The following DAB1 variants were observed in gnomAD, a reference collection of about 807,000 sequenced individuals.
DAB1 encodes the protein disabled homolog 1.
In DAB1, 15 loss-of-function variants were observed where a neutral mutation model predicts 64.6. The observed-to-expected ratio is 0.23, with a 90% CI of 0.16 to 0.36. The LOEUF (loss-of-function observed/expected upper bound fraction) is 0.36. DAB1 is among the 10% of genes least tolerant of loss of function. The pLI is 1.00. For synonymous variants in DAB1, 235 were observed against 251.9 expected, an observed-to-expected ratio of 0.93 and a Z score of 0.64; for missense variants, 596 against 706.7, an observed-to-expected ratio of 0.84 and a Z score of 1.78.
At chr1:57,168,701 T>A (rs1003839696) in intron 2 of DAB1, among the ~76,000 whole-genome samples, 1 of 152,184 alleles carries the variant, frequency 6.6e-6, no homozygotes, top group Admixed American at 6.5e-5. Context: ...AATCTATCAA[T>A]TCTCAGGCTT....
At chr1:57,783,097 C>CT (rs1305657616) in intron 6 of DAB1, among the ~76,000 whole-genome samples, 256 of 104,656 alleles carry the variant, frequency 2.4e-3, no homozygotes, top group African/African-American at 6.8e-3. Context: ...CTCTCTCTCT[C>CT]TCTCTTTTCT....
chr1:57,119,611 C>A (rs1255469155), intron 4 of DAB1, among the ~76,000 whole-genome samples: 1 of 152,102 alleles, frequency 6.6e-6, no homozygotes, highest in Non-Finnish European at 1.5e-5. Flanking sequence ...GAATGGGAAC[C>A]TCTCAGAAGT....
At chr1:58,208,525 T>A (rs997819299) in intron 4 of DAB1, among the ~76,000 whole-genome samples, 1 of 152,204 alleles carries the variant, frequency 6.6e-6, no homozygotes, top group Non-Finnish European at 1.5e-5. Flanking sequence ...CTCCCACTTA[T>A]AAGTGAGAAC....
At position 58,314,204 on chromosome 1, in the gene DAB1, C is replaced by A. The variant is rs1013772703; in HGVS notation, n.309+29148G>T. ...GGTCTGTTCTAACCTATCCCAGAAA[C>A]CTTTGTCTCATGCCCATACAACAGG... On this transcript the variant is annotated intron_variant and non_coding_transcript_variant, in intron 4 of 20. Transcript: ENST00000485760. Among the ~76,000 whole-genome samples the A allele has an allele frequency of 2.6e-5, 4 of 152,028 alleles. No homozygotes were observed. In the South Asian group the frequency reaches 6.2e-4, roughly 24 times the overall value.
intron 10 of DAB1, among the ~76,000 whole-genome samples, chr1:57,023,915 G>A (rs1219481584): frequency 6.6e-6 from 1 of 152,056 alleles, no homozygotes; most frequent in African/African-American, 2.4e-5. Flanking sequence ...TAGGTGCTTG[G>A]CAAATAATGG....
At chr1:57,201,138 C>T (rs1354273911) in intron 2 of DAB1, among the ~76,000 whole-genome samples, 2 of 152,202 alleles carry the variant, frequency 1.3e-5, no homozygotes, top group African/African-American at 4.8e-5. Flanking sequence ...ATTGCTGCTT[C>T]TGCAAAGCCA....
intron 4 of DAB1, among the ~76,000 whole-genome samples, chr1:58,196,899 A>C (rs1284697931): frequency 6.6e-6 from 1 of 152,174 alleles, no homozygotes; most frequent in Admixed American, 6.5e-5. Context: ...GGCAAAGAAC[A>C]TTCCTTTTCC....
At chr1:57,954,079 A>G (rs1645335355) in intron 5 of DAB1, among the ~76,000 whole-genome samples, 1 of 152,058 alleles carries the variant, frequency 6.6e-6, no homozygotes, top group African/African-American at 2.4e-5. Context: ...CTAATTCACT[A>G]TCAATCCTCT....
chr1:58,358,095 A>C (rs1263239070), intron 3 of DAB1, among the ~76,000 whole-genome samples: 1 of 152,208 alleles, frequency 6.6e-6, no homozygotes, highest in Non-Finnish European at 1.5e-5. Flanking sequence ...AGAAATATCC[A>C]GATTAGAAAT....
At chr1:57,944,996 G>A (rs917549568) in intron 5 of DAB1, among the ~76,000 whole-genome samples, 1 of 152,138 alleles carries the variant, frequency 6.6e-6, no homozygotes, top group Non-Finnish European at 1.5e-5. Flanking sequence ...AGTTGAAAAG[G>A]TCTTATAGGT....
intron 5 of DAB1, chr1:58,048,101 C>T (rs1241371119): frequency 1.2e-6 from 1 of 847,844 alleles, no homozygotes. Flanking sequence ...TGGCTGAGTT[C>T]ACAAATCTGT....
intron 1 of DAB1, among the ~76,000 whole-genome samples, chr1:57,851,043 T>A (rs370838161): frequency 6.6e-4 from 101 of 152,314 alleles, no homozygotes; most frequent in African/African-American, 2.1e-3. Flanking sequence ...TAATTTCAGG[T>A]TGCCATCAAT....
chr1:57,372,728 T>G (rs1277959881), intron 1 of DAB1, among the ~76,000 whole-genome samples: 10 of 152,140 alleles, frequency 6.6e-5, no homozygotes, highest in Non-Finnish European at 1.2e-4. Context: ...ATACACAATA[T>G]GTACAGTAGA....
intron 5 of DAB1, among the ~76,000 whole-genome samples, chr1:57,902,301 T>C (rs78086475): frequency 6.6e-6 from 1 of 152,142 alleles, no homozygotes; most frequent in Admixed American, 6.6e-5. Flanking sequence ...ATACCTTTTC[T>C]ATATATTTTT....
intron 7 of DAB1, among the ~76,000 whole-genome samples, chr1:57,437,746 T>A (rs1419388587): frequency 6.6e-6 from 1 of 152,196 alleles, no homozygotes; most frequent in Non-Finnish European, 1.5e-5. Flanking sequence ...ACAAGGGAAT[T>A]TGTGAAGGAT....
At chr1:57,124,919 A>T (rs1278429568) in intron 4 of DAB1, among the ~76,000 whole-genome samples, 1 of 152,102 alleles carries the variant, frequency 6.6e-6, no homozygotes, top group Non-Finnish European at 1.5e-5. Flanking sequence ...CAGTGCTCAG[A>T]ATGCCTGTCC....
intron 4 of DAB1, among the ~76,000 whole-genome samples, chr1:58,256,776 A>C (rs1660941402): frequency 6.6e-6 from 1 of 152,186 alleles, no homozygotes; most frequent in African/African-American, 2.4e-5. Context: ...CTTGGAAAAC[A>C]TTTGACAAAT....
intron 1 of DAB1, among the ~76,000 whole-genome samples, chr1:57,356,971 C>T (rs755134198): frequency 6.6e-6 from 1 of 151,946 alleles, no homozygotes; most frequent in African/African-American, 2.4e-5. Context: ...TCCCTTTGTG[C>T]TTCAACTATA....
intron 7 of DAB1, among the ~76,000 whole-genome samples, chr1:57,509,953 C>T (rs773265116): frequency 4.6e-5 from 7 of 152,114 alleles, no homozygotes; most frequent in African/African-American, 7.2e-5. Context: ...TAATAATTTG[C>T]TCTTATTATT....
Sources: allele counts gnomAD v4.1 joint callset (sites outside exome capture counted in the v4.1 genomes callset), GRCh38; gene constraint gnomAD v4.1.1; transcripts MANE v1.5; gene names NCBI Gene and HGNC (gene_info 2026-07-23, HGNC 2026-07-21).